CCDC157: variants seen among roughly 807,000 people sequenced by gnomAD.
CCDC157 encodes coiled-coil domain-containing protein 157.
CCDC157 carries 60 observed loss-of-function variants against 70.9 expected under a neutral mutation model. That is an observed-to-expected ratio of 0.85 (90% CI 0.69 to 1.05). The LOEUF (loss-of-function observed/expected upper bound fraction) is 1.05, where lower values mean the gene tolerates loss of function less well. CCDC157 is among the 50% of genes least tolerant of loss of function. The pLI, the probability that CCDC157 is intolerant of heterozygous loss-of-function variation, is 0.00. For synonymous variants in CCDC157, 373 were observed against 422.4 expected (o/e 0.88, Z 1.43); for missense variants, 943 against 984.2 (o/e 0.96, Z 0.56).
chr22:30,376,343 C>T lies in CCDC157; in HGVS notation c.1942C>T (p.Pro648Ser), dbSNP rs150721066. Residue 648 changes from proline to serine, a missense_variant, in exon 11 of 12, where the codon CCA becomes TCA. Pro to Ser is a moderately conservative substitution (Grantham distance 74). Transcript: ENST00000338306. ...TPPVQAKSTS[P>S]GPLGRQHLPS... The stretch of plus-strand genomic sequence containing the variant: ...ACCAGTCCAGGCCAAGAGCACATCC[C>T]CAGGGTGAGTGAGGCTTTACTGGAG... 4 of 1,613,798 alleles carry T rather than the reference C, an allele frequency of 2.5e-6. No individual in the cohort carries two copies. The African/African-American group carries it at 5.3e-5, about 22-fold the overall frequency.
chr22:30,371,893 T>C, intron 6 of CCDC157, 166 bp downstream of exon 6: 1 of 743,714 alleles, frequency 1.3e-6, no homozygotes, highest in Non-Finnish European at 2.2e-6. Context: ...CCAAACTGGG[T>C]TGCCACCTCC....
intron 7 of CCDC157, 194 bp downstream of exon 7, chr22:30,372,480 T>G: frequency 1.3e-6 from 1 of 746,516 alleles, no homozygotes; most frequent in Non-Finnish European, 2.0e-6. Flanking sequence ...ACCCAGGGAC[T>G]GATACTGCCC....
chr22:30,366,654 C>G (rs1029059028), intron 3 of CCDC157: 2 of 243,830 alleles, frequency 8.2e-6, no homozygotes, highest in African/African-American at 4.4e-5. Context: ...GTGCTGTTCC[C>G]TCTGCATATC....
intron 9 of CCDC157, chr22:30,375,182 C>G (rs1422609269): frequency 3.0e-6 from 1 of 333,506 alleles, no homozygotes; most frequent in East Asian, 8.1e-5. Flanking sequence ...TGGTCTTGAT[C>G]TCTTGACTTA....
Position 30,376,647 on chromosome 22 carries a change from C to T in CCDC157, c.2161C>T (p.Gln721Ter), listed in dbSNP as rs1003699509. Reference protein sequence around the residue: ...EGVTHLDTCTQNPIKVLVRLR... With the variant: ...EGVTHLDTCT ...TGTGACCCACTTGGACACCTGCACC[C>T]AGAACCCCATCAAGGTCTTGGTCAG... The change falls in exon 12 of 12, where the codon CAG (glutamine) becomes TAG (stop). Residue 721 changes from glutamine to a stop codon, truncating the protein, a stop_gained. Transcript: ENST00000338306. LOFTEE classifies it high-confidence loss of function. 1.9e-6 allele frequency: 3 copies of T among 1,613,898 alleles called. No individual in the cohort carries two copies. In the Admixed American group the frequency reaches 5.0e-5, roughly 27 times the overall value.
At chr22:30,363,350 TG>T (rs918414767) in intron 2 of CCDC157, among the ~76,000 whole-genome samples, 2 of 152,194 alleles carry the variant, frequency 1.3e-5, no homozygotes, top group African/African-American at 4.8e-5. Flanking sequence ...AAGACAAGGA[TG>T]GGCTTTGCCG....
chr22:30,373,464 T>G (rs1388573420), intron 7 of CCDC157, 133 bp from the exon 8 acceptor site: 1 of 946,152 alleles, frequency 1.1e-6, no homozygotes, highest in African/African-American at 1.6e-5. Flanking sequence ...TGACCAGCAT[T>G]CCCTAGACAC....
At chr22:30,371,843 A>G (rs1238645451) in intron 6 of CCDC157, 116 bp downstream of exon 6, 1 of 999,792 alleles carries the variant, frequency 1.0e-6, no homozygotes, top group Non-Finnish European at 1.5e-6. Context: ...GGAACCAGCC[A>G]CAGGAGGGTG....
rs1258792541 is a variant in CCDC157, at chr22:30,375,965, A to G, written c.1858-294A>G. 3 of 534,006 alleles carry G rather than the reference A, an allele frequency of 5.6e-6. No individual in the cohort carries two copies. In the East Asian group the frequency reaches 9.6e-5, roughly 17 times the overall value. 33.1% of individuals were successfully genotyped at this position (534,006 alleles called of 1,614,324 possible). On this transcript the variant is annotated intron_variant, in intron 10 of 11. Transcript: ENST00000338306. ...CAATTTGAGAGGCTGAGGCGGGCAG[A>G]TCACTCGAGCCCAGGAGTTTGAGAC...
In CCDC157 at chr22:30,369,600, C is replaced by A; in HGVS notation, c.417C>A (p.Pro139=). The A allele has an allele frequency of 6.4e-7, 1 of 1,550,998 alleles. No individual in the cohort carries two copies. Among genetic ancestry groups the A allele is most frequent in the East Asian group, 2.4e-5 (1 of 42,172 alleles). Residue 139 remains proline (P), a synonymous_variant, in exon 4 of 12, where the codon CCC becomes CCA. Coordinates refer to ENST00000338306, the MANE Select transcript of CCDC157 (RefSeq NM_001017437.5). The part of the protein sequence containing the change: ...RLGTLHQQPL[P]QKGANQRETP... ...GCACGCTCCACCAGCAGCCACTCCC[C>A]CAGGTGGGTCCCAGCCTCTGTCTCA... is the stretch of plus-strand genomic sequence containing the variant.
intron 7 of CCDC157, 174 bp from the exon 8 acceptor site, chr22:30,373,423 G>A: frequency 1.5e-6 from 1 of 676,292 alleles, no homozygotes; most frequent in Non-Finnish European, 2.5e-6. Flanking sequence ...CCTGCTGCCA[G>A]CTTCCCCCGA....
chr22:30,364,920 G>C (rs537347806), intron 2 of CCDC157, among the ~76,000 whole-genome samples: 1 of 151,728 alleles, frequency 6.6e-6, no homozygotes, highest in South Asian at 2.1e-4. Flanking sequence ...TTGCACTTTA[G>C]AAGTCAAGTG....
Position 30,369,622 on chromosome 22 carries a change from C to A in CCDC157, c.420+19C>A, listed in dbSNP as rs762048908. The A allele has an allele frequency of 1.7e-4, 249 of 1,499,412 alleles. 2 individuals carry two copies. The highest frequency in any genetic ancestry group is 2.2e-4 in the Middle Eastern group (1 of 4,588). 92.9% of individuals were successfully genotyped at this position (1,499,412 alleles called of 1,614,324 possible). A position where few individuals can be genotyped will look rare whatever the true frequency, so the allele number is the denominator to read the frequency against. ...CCCCCAGGTGGGTCCCAGCCTCTGTCTCAGGTGGGTCAGCCTCAGCCTCTA... is the reference window on the plus strand; with the variant it reads ...CCCCCAGGTGGGTCCCAGCCTCTGTATCAGGTGGGTCAGCCTCAGCCTCTA... On this transcript the variant is annotated intron_variant, in intron 4 of 11. Transcript: ENST00000338306.
intron 6 of CCDC157, 62 bp downstream of exon 6, chr22:30,371,789 CA>C: frequency 7.2e-7 from 1 of 1,397,676 alleles, no homozygotes; most frequent in Non-Finnish European, 1.0e-6. Context: ...GCTGGATGAG[CA>C]TCGTCCATCT....
intron 2 of CCDC157, among the ~76,000 whole-genome samples, chr22:30,364,095 A>C (rs1932552400): frequency 6.6e-6 from 1 of 152,136 alleles, no homozygotes; most frequent in Non-Finnish European, 1.5e-5. Flanking sequence ...CAGAAGTTTG[A>C]GACCAGCCTG....
chr22:30,364,913 C>A (rs908752654), intron 2 of CCDC157, among the ~76,000 whole-genome samples: 2 of 151,678 alleles, frequency 1.3e-5, no homozygotes, highest in African/African-American at 4.8e-5. Context: ...TCCTCTCTTG[C>A]ACTTTAGAAG....
At chr22:30,374,301 C>G in intron 9 of CCDC157, 1 of 657,942 alleles carries the variant, frequency 1.5e-6, no homozygotes, top group South Asian at 1.7e-5. Flanking sequence ...ACGTGAAAGC[C>G]CAACAGTGAT....
rs201943070 is a variant in CCDC157 at position 30,367,347 on chromosome 22, T to A, written c.248+1099T>A. Reference sequence around the variant, plus strand: ...ACCTCCTGGGTTCAAGAGATTCTCCTGCTTCAGCCTCCAAAGTAGCTGGGA... The same window carrying A: ...ACCTCCTGGGTTCAAGAGATTCTCCAGCTTCAGCCTCCAAAGTAGCTGGGA... On this transcript the variant is annotated intron_variant, in intron 3 of 11. Coordinates refer to ENST00000338306, the MANE Select transcript of CCDC157 (RefSeq NM_001017437.5). Among the ~76,000 whole-genome samples the A allele has an allele frequency of 2.0e-5, 3 of 152,052 alleles. No homozygotes were observed. In the East Asian group the frequency reaches 5.8e-4, roughly 29 times the overall value.
At chr22:30,363,396 T>G (rs1291249351) in intron 2 of CCDC157, among the ~76,000 whole-genome samples, 1 of 152,100 alleles carries the variant, frequency 6.6e-6, no homozygotes, top group Non-Finnish European at 1.5e-5. Flanking sequence ...ATAATAATAA[T>G]AGTTAATATT....
Sources: allele counts gnomAD v4.1 joint callset (sites outside exome capture counted in the v4.1 genomes callset), GRCh38; gene constraint gnomAD v4.1.1; transcripts MANE v1.5; gene names NCBI Gene and HGNC (gene_info 2026-07-23, HGNC 2026-07-21).